Variants in AGPAT5 observed in about 807,000 individuals in gnomAD.
AGPAT5 encodes 1-acyl-sn-glycerol-3-phosphate acyltransferase epsilon.
AGPAT5 carries 46 observed loss-of-function variants against 45.6 expected under a neutral mutation model. The observed-to-expected ratio is 1.01, with a 90% CI of 0.80 to 1.29. The LOEUF is 1.29. Ranked by LOEUF, AGPAT5 falls within the 50% of genes most tolerant of loss-of-function variation. The pLI is 0.00. For synonymous variants in AGPAT5, 272 were observed against 167.0 expected (o/e 1.63, Z -4.85); for missense variants, 673 against 450.7 (o/e 1.49, Z -4.47).
intron 1 of AGPAT5, among the ~76,000 whole-genome samples, chr8:6,724,336 T>A (rs1358180557): frequency 1.3e-5 from 2 of 152,196 alleles, no homozygotes; most frequent in African/African-American, 4.8e-5. Context: ...TCATGAACAT[T>A]TTCCTTCATC....
intron 1 of AGPAT5, among the ~76,000 whole-genome samples, chr8:6,720,036 A>G (rs1461307402): frequency 6.6e-6 from 1 of 152,190 alleles, no homozygotes; most frequent in Admixed American, 6.5e-5. Context: ...TTTAAAGCCA[A>G]CTGTGAGAGA....
At chr8:6,711,861 T>C (rs541736754) in intron 1 of AGPAT5, among the ~76,000 whole-genome samples, 9 of 152,338 alleles carry the variant, frequency 5.9e-5, no homozygotes, top group African/African-American at 1.2e-4. Flanking sequence ...TCACTCTCCC[T>C]TTCTCTTAGA....
At position 6,757,213 on chromosome 8, in the gene AGPAT5, T is replaced by A; in HGVS notation, c.920T>A (p.Phe307Tyr). 6.2e-7 allele frequency: 1 copy of A among 1,614,192 alleles called. No homozygotes were observed. Among genetic ancestry groups the A allele is most frequent in the Non-Finnish European group, 8.5e-7 (1 of 1,180,022 alleles). Residue 307 changes from phenylalanine (F) to tyrosine (Y), a missense_variant, in exon 8 of 8, where the codon TTT becomes TAT. Physicochemically the swap from Phe to Tyr is conservative, Grantham distance 22. Transcript: ENST00000285518. Reference sequence around the variant, plus strand: ...CCAGATCCAGAAAGAAGAAAAAGATTTCCTGGGAAAAGTGTTAATTCCAAA... The same window carrying A: ...CCAGATCCAGAAAGAAGAAAAAGATATCCTGGGAAAAGTGTTAATTCCAAA... Reference protein sequence around the residue: ...ESPDPERRKRFPGKSVNSKLS... With the variant: ...ESPDPERRKRYPGKSVNSKLS...
chr8:6,744,852 C>A (rs1183950296), intron 5 of AGPAT5, among the ~76,000 whole-genome samples: 1 of 152,214 alleles, frequency 6.6e-6, no homozygotes, highest in East Asian at 1.9e-4. Flanking sequence ...TCCTGCCCTG[C>A]CTTTCCTCAG....
rs139699903 is a variant in AGPAT5, at chr8:6,757,390, C to A, written c.*2C>A. The A allele has an allele frequency of 1.1e-5, 18 of 1,612,372 alleles. No individual in the cohort carries two copies. The highest frequency in any genetic ancestry group is 1.3e-5 in the African/African-American group (1 of 74,892). ...CTGTGGGTTACTATTAAAGCATAGA[C>A]AAGTAGCTGTCTCCAGACAGTGGGA... On this transcript the variant is annotated 3_prime_UTR_variant, in exon 8 of 8. Coordinates refer to ENST00000285518, the MANE Select transcript of AGPAT5 (RefSeq NM_018361.5).
intron 5 of AGPAT5, among the ~76,000 whole-genome samples, chr8:6,744,154 G>C (rs1488245528): frequency 1.3e-5 from 2 of 152,002 alleles, no homozygotes; most frequent in Non-Finnish European, 2.9e-5. Context: ...AATTAGAAAA[G>C]ACATAAACTA....
chr8:6,713,019 GTCT>G (rs1229543653), intron 1 of AGPAT5, among the ~76,000 whole-genome samples: 1 of 152,268 alleles, frequency 6.6e-6, no homozygotes, highest in South Asian at 2.1e-4. Context: ...TTGAGTCAGG[GTCT>G]TCTTCTGTCA....
At chr8:6,755,563 G>A (rs1300727830) in intron 7 of AGPAT5, among the ~76,000 whole-genome samples, 2 of 152,228 alleles carry the variant, frequency 1.3e-5, no homozygotes, top group Non-Finnish European at 2.9e-5. Context: ...AAAAGCAAGG[G>A]AGGGGTAGAG....
rs181071444 is a variant in AGPAT5, at chr8:6,716,292, C to G, written c.219+7405C>G. Among the ~76,000 whole-genome samples the G allele has an allele frequency of 2.4e-3, 372 of 152,240 alleles. 2 individuals are homozygous for G. The highest frequency in any genetic ancestry group is 8.6e-3 in the African/African-American group (356 of 41,512). On this transcript the variant is annotated intron_variant, in intron 1 of 7. Transcript: ENST00000285518. Reference sequence around the variant, plus strand: ...GTGGAGTAGTCTGGGCACGGTGTGGCTCATGCCTGTAATCCCAGCATTTTG... The same window carrying G: ...GTGGAGTAGTCTGGGCACGGTGTGGGTCATGCCTGTAATCCCAGCATTTTG...
chr8:6,748,003 A>G (rs765158759), intron 6 of AGPAT5, among the ~76,000 whole-genome samples, 175 bp downstream of exon 6: 2 of 152,222 alleles, frequency 1.3e-5, no homozygotes, highest in Non-Finnish European at 2.9e-5. Context: ...TTAGTCCTGC[A>G]AAGTGTGGTA....
chr8:6,751,038 T>G (rs1376415331), intron 6 of AGPAT5, among the ~76,000 whole-genome samples: 1 of 151,124 alleles, frequency 6.6e-6, no homozygotes, highest in African/African-American at 2.4e-5. Flanking sequence ...GCTTTCATTG[T>G]TTTTTTTTGT....
At chr8:6,723,291 G>A (rs1255383489) in intron 1 of AGPAT5, among the ~76,000 whole-genome samples, 1 of 152,182 alleles carries the variant, frequency 6.6e-6, no homozygotes, top group African/African-American at 2.4e-5. Flanking sequence ...CATTAGGTGT[G>A]CAGTGTGTTC....
chr8:6,729,962 C>A (rs987884766), intron 2 of AGPAT5, among the ~76,000 whole-genome samples: 1 of 152,062 alleles, frequency 6.6e-6, no homozygotes, highest in Non-Finnish European at 1.5e-5. Flanking sequence ...AACCTAGTAC[C>A]GAGTCCTAAA....
chr8:6,714,953 T>G (rs1414245849), intron 1 of AGPAT5, among the ~76,000 whole-genome samples: 1 of 152,232 alleles, frequency 6.6e-6, no homozygotes, highest in African/African-American at 2.4e-5. Context: ...TTTTCTCATT[T>G]TATTATGGTT....
chr8:6,720,436 C>T (rs1169487641), intron 1 of AGPAT5, among the ~76,000 whole-genome samples: 1 of 152,158 alleles, frequency 6.6e-6, no homozygotes, highest in Non-Finnish European at 1.5e-5. Context: ...GGCGTTACCA[C>T]ACACTTGAAC....
chr8:6,726,317 G>A (rs939239657), intron 2 of AGPAT5, among the ~76,000 whole-genome samples: 1 of 152,192 alleles, frequency 6.6e-6, no homozygotes. Flanking sequence ...GCTCTTGATA[G>A]ATTTGATTTT....
intron 4 of AGPAT5, among the ~76,000 whole-genome samples, chr8:6,737,011 T>G (rs907184341): frequency 6.6e-6 from 1 of 152,252 alleles, no homozygotes; most frequent in Non-Finnish European, 1.5e-5. Context: ...ACTTTTAAAA[T>G]AATGTTATAT....
At chr8:6,713,950 A>C (rs1800239723) in intron 1 of AGPAT5, among the ~76,000 whole-genome samples, 1 of 152,238 alleles carries the variant, frequency 6.6e-6, no homozygotes, top group Non-Finnish European at 1.5e-5. Flanking sequence ...CATCAAACTA[A>C]TCCTAAACTC....
rs977512357 is a variant in AGPAT5, at chr8:6,759,559, A to T, written c.*2171A>T. On this transcript the variant is annotated 3_prime_UTR_variant, in exon 8 of 8. Transcript: ENST00000285518. The stretch of plus-strand genomic sequence containing the variant: ...TTACTGATTTACAGCTTAGTTATTA[A>T]TTTTTCTTTATAAGAATGCCGTCGA... 25 of 152,102 alleles carry T rather than the reference A, an allele frequency of 1.6e-4. No individual in the cohort carries two copies. The highest frequency in any genetic ancestry group is 1.6e-3 in the Admixed American group (25 of 15,266). 9.4% of individuals were successfully genotyped at this position (152,102 alleles called of 1,614,324 possible). A position where few individuals can be genotyped will look rare whatever the true frequency, so the allele number is the denominator to read the frequency against.
Sources: allele counts gnomAD v4.1 joint callset (sites outside exome capture counted in the v4.1 genomes callset), GRCh38; gene constraint gnomAD v4.1.1; transcripts MANE v1.5; gene names NCBI Gene and HGNC (gene_info 2026-07-23, HGNC 2026-07-21).